SMAD6: variants seen among roughly 807,000 people sequenced by gnomAD.
SMAD6 encodes the protein MAD homolog 6.
In SMAD6, 103 loss-of-function variants were observed where a neutral mutation model predicts 39.4. The observed-to-expected ratio is 2.62, with a 90% confidence interval of 2.23 to 3.08. SMAD6 has a LOEUF of 3.08. Among genes scored for constraint, SMAD6 ranks in the 30% most tolerant of loss-of-function variants. The probability of loss-of-function intolerance (pLI) is 0.00; values close to 1 mark genes in which losing one functional copy is unlikely to be tolerated. For missense variants in SMAD6, 1,104 were observed against 742.9 expected, an observed-to-expected ratio of 1.49 and a Z score of -5.65; for synonymous variants, 445 against 353.3, an observed-to-expected ratio of 1.26 and a Z score of -2.91.
At chr15:66,768,274 C>T (rs544852260) in intron 3 of SMAD6, among the ~76,000 whole-genome samples, 65 of 152,258 alleles carry the variant, frequency 4.3e-4, no homozygotes, top group Admixed American at 3.3e-3. Flanking sequence ...ATCCAGCCTA[C>T]ATCTTTAGTG....
At chr15:66,750,549 A>G (rs1893985200) in intron 3 of SMAD6, among the ~76,000 whole-genome samples, 1 of 152,170 alleles carries the variant, frequency 6.6e-6, no homozygotes, top group African/African-American at 2.4e-5. Context: ...TGGCTATGGT[A>G]TGATTTATTT....
chr15:66,781,701 A>G lies in SMAD6; in HGVS notation c.*166A>G. ...TATATATTATATGGAAATATATATT[A>G]TACTTGTAATTATGGAGTCATTTTT... On this transcript the variant is annotated 3_prime_UTR_variant, in exon 4 of 4. Transcript: ENST00000288840. 1 of 426,648 alleles carries G rather than the reference A, an allele frequency of 2.3e-6. No individual in the cohort carries two copies. Among genetic ancestry groups the G allele is most frequent in the Non-Finnish European group, 4.1e-6 (1 of 244,766 alleles). 26.4% of individuals were successfully genotyped at this position (426,648 alleles called of 1,614,324 possible). A position where few individuals can be genotyped will look rare whatever the true frequency, so the allele number is the denominator to read the frequency against.
Position 66,781,058 on chromosome 15 carries a change from G to C in SMAD6, c.1014G>C (p.Glu338Asp), listed in dbSNP as rs2140681200. Residue 338 changes from glutamate (E) to aspartate (D), a missense_variant, in exon 4 of 4, where the codon GAG becomes GAC. Transcript: ENST00000288840. ...ACTGGTGCAGCGTGGCGTACTGGGA[G>C]CACCGGACGCGCGTGGGCCGCCTCT... ...PSHWCSVAYW[E>D]HRTRVGRLYA... is the part of the protein sequence containing the mutation. 6.2e-7 allele frequency: 1 copy of C among 1,603,000 alleles called. No homozygotes were observed. The highest frequency in any genetic ancestry group is 8.5e-7 in the Non-Finnish European group (1 of 1,178,310).
Position 66,703,972 on chromosome 15 carries a change from C to A in SMAD6, c.714C>A (p.Ala238=), listed in dbSNP as rs746993602. Residue 238 remains alanine (A), a synonymous_variant, in exon 1 of 4, where the codon GCC becomes GCA. Coordinates refer to ENST00000288840, the MANE Select transcript of SMAD6 (RefSeq NM_005585.5). ...RLFRWPDLQH[A]VELKPLCGCH... ...TTCGCTGGCCCGACCTGCAGCACGC[C>A]GTGGAGCTGAAGCCCCTGTGCGGCT... The A allele has an allele frequency of 4.8e-6, 7 of 1,458,672 alleles. No individual in the cohort carries two copies. The highest frequency in any genetic ancestry group is 2.9e-5 in the African/African-American group (2 of 68,242). The allele number at this position is 1,458,672 out of a possible 1,614,324, so 90.4% of individuals were successfully genotyped here. A position where few individuals can be genotyped will look rare whatever the true frequency, so the allele number is the denominator to read the frequency against.
chr15:66,709,601 G>A (rs1893188119), intron 1 of SMAD6, among the ~76,000 whole-genome samples: 2 of 152,192 alleles, frequency 1.3e-5, no homozygotes, highest in Admixed American at 1.3e-4. Flanking sequence ...GCCATGTGTG[G>A]CCTAGACCTC....
intron 3 of SMAD6, among the ~76,000 whole-genome samples, chr15:66,733,677 G>GT (rs980617925): frequency 7.2e-4 from 110 of 152,266 alleles, no homozygotes; most frequent in African/African-American, 2.6e-3. Flanking sequence ...TGTTGAGTGT[G>GT]TTTTTTCAGG....
At chr15:66,752,949 G>C (rs1029212016) in intron 3 of SMAD6, among the ~76,000 whole-genome samples, 1 of 152,200 alleles carries the variant, frequency 6.6e-6, no homozygotes, top group Non-Finnish European at 1.5e-5. Flanking sequence ...CCATGGAGAA[G>C]GTACAGGGGG....
chr15:66,703,905 G>A lies in SMAD6; in HGVS notation c.647G>A (p.Gly216Asp). 7 of 1,291,214 alleles carry A rather than the reference G, an allele frequency of 5.4e-6. No homozygotes were observed. The highest frequency in any genetic ancestry group is 6.8e-6 in the Non-Finnish European group (7 of 1,024,468). The allele number at this position is 1,291,214 out of a possible 1,614,324, so 80.0% of individuals were successfully genotyped here. A position where few individuals can be genotyped will look rare whatever the true frequency, so the allele number is the denominator to read the frequency against. Reference protein sequence around the residue: ...VLVPRADLRLGGQPAPPQLLL... With the variant: ...VLVPRADLRLDGQPAPPQLLL... Reference sequence around the variant, plus strand: ...GTGCCGCGCGCCGACCTCCGCCTGGGCGGCCAGCCCGCGCCGCCGCAGCTG... The same window carrying A: ...GTGCCGCGCGCCGACCTCCGCCTGGACGGCCAGCCCGCGCCGCCGCAGCTG... Residue 216 changes from glycine (G) to aspartate (D), a missense_variant, in exon 1 of 4, where the codon GGC (glycine) becomes GAC (aspartate). Transcript: ENST00000288840.
chr15:66,735,533 G>A (rs1395947313), intron 3 of SMAD6, among the ~76,000 whole-genome samples: 1 of 152,222 alleles, frequency 6.6e-6, no homozygotes, highest in Non-Finnish European at 1.5e-5. Context: ...GGTAGTTTAG[G>A]TTGGGTTCTT....
intron 3 of SMAD6, among the ~76,000 whole-genome samples, chr15:66,733,271 A>T (rs529239205): frequency 4.2e-4 from 64 of 152,278 alleles, no homozygotes; most frequent in Admixed American, 7.2e-4. Flanking sequence ...TGTTTTGGCT[A>T]GTCTAGGCAT....
chr15:66,729,850 G>C (rs912287638), intron 3 of SMAD6, among the ~76,000 whole-genome samples: 5 of 152,144 alleles, frequency 3.3e-5, no homozygotes, highest in African/African-American at 1.2e-4. Flanking sequence ...AGGCGGCACC[G>C]CGGCCGGGCC....
At chr15:66,734,464 G>A (rs1015479312) in intron 3 of SMAD6, among the ~76,000 whole-genome samples, 3 of 152,192 alleles carry the variant, frequency 2.0e-5, no homozygotes, top group Admixed American at 6.5e-5. Context: ...CGAGGGAGGG[G>A]AAGAGCCTTT....
At chr15:66,768,298 G>A (rs983938096) in intron 3 of SMAD6, among the ~76,000 whole-genome samples, 1 of 151,986 alleles carries the variant, frequency 6.6e-6, no homozygotes, top group Admixed American at 6.6e-5. Context: ...ATCGAGGCAG[G>A]TATATTTGAT....
intron 3 of SMAD6, among the ~76,000 whole-genome samples, chr15:66,753,369 G>A (rs571539225): frequency 7.9e-5 from 12 of 152,324 alleles, no homozygotes; most frequent in South Asian, 6.2e-4. Flanking sequence ...GTCCTTGTGC[G>A]TTGGGCCATC....
chr15:66,704,272 C>CT (rs1249104074), intron 1 of SMAD6, 197 bp downstream of exon 1: 20 of 398,068 alleles, frequency 5.0e-5, no homozygotes, highest in Middle Eastern at 6.3e-4. Flanking sequence ...CAAGTGGCAA[C>CT]TTTATCTCAA....
chr15:66,734,447 C>T (rs1300924208), intron 3 of SMAD6, among the ~76,000 whole-genome samples: 3 of 152,102 alleles, frequency 2.0e-5, no homozygotes, highest in Non-Finnish European at 2.9e-5. Context: ...GAGCAGGGAG[C>T]GGAGGTCGAG....
intron 3 of SMAD6, among the ~76,000 whole-genome samples, chr15:66,718,692 C>T (rs1394657798): frequency 1.3e-5 from 2 of 152,196 alleles, no homozygotes; most frequent in East Asian, 3.9e-4. Context: ...CCAGCTTGCT[C>T]TGTGCTGTAG....
chr15:66,725,033 AC>A (rs1893498545), intron 3 of SMAD6, among the ~76,000 whole-genome samples: 1 of 152,110 alleles, frequency 6.6e-6, no homozygotes, highest in Non-Finnish European at 1.5e-5. Context: ...TCCTATCCCC[AC>A]TGGCATGCTT....
chr15:66,726,951 C>T (rs747536580), intron 3 of SMAD6, among the ~76,000 whole-genome samples: 1 of 152,010 alleles, frequency 6.6e-6, no homozygotes, highest in Non-Finnish European at 1.5e-5. Flanking sequence ...CTGGAAGGAT[C>T]GCAGAGCCCC....
Sources: gnomAD v4.1 joint callset for allele counts (sites outside exome capture counted in the v4.1 genomes callset) on GRCh38, gnomAD v4.1.1 for gene constraint, MANE v1.5 for transcripts, NCBI Gene and HGNC (gene_info 2026-07-23, HGNC 2026-07-21) for gene names.